CDC14B: variants seen among roughly 807,000 people sequenced by gnomAD.
CDC14B encodes the protein dual specificity protein phosphatase CDC14B.
Under a neutral mutation model 64.2 loss-of-function variants are expected in CDC14B, and 22 were observed. The ratio of observed to expected loss-of-function variants is 0.34; its 90% CI spans 0.24 to 0.49. The LOEUF (loss-of-function observed/expected upper bound fraction) is 0.49, where lower values mean the gene tolerates loss of function less well. Among genes scored for constraint, CDC14B ranks in the 20% least tolerant of loss-of-function variants. CDC14B has a pLI of 0.99. For missense variants in CDC14B, 498 were observed against 629.9 expected, an observed-to-expected ratio of 0.79 and a Z score of 2.24; for synonymous variants, 191 against 215.8, an observed-to-expected ratio of 0.89 and a Z score of 1.01.
chr9:96,615,197 T>G (rs6477572), intron 1 of CDC14B, among the ~76,000 whole-genome samples: 1 of 151,928 alleles, frequency 6.6e-6, no homozygotes. Context: ...ACTAGCAGTA[T>G]AGTTCAAGTA....
intron 9 of CDC14B, among the ~76,000 whole-genome samples, chr9:96,530,829 T>A (rs999885078): frequency 6.6e-6 from 1 of 152,156 alleles, no homozygotes; most frequent in Non-Finnish European, 1.5e-5. Flanking sequence ...TATGTTGAGG[T>A]AATCTCCTTC....
rs1262503712 is a variant in CDC14B, at chr9:96,501,397, G to A, written c.*2356C>T. The A allele has an allele frequency of 4.6e-5, 7 of 152,112 alleles. No homozygotes were observed. The East Asian group carries it at 1.3e-3, about 29-fold the overall frequency. 9.4% of individuals were successfully genotyped at this position (152,112 alleles called of 1,614,324 possible). ...TAGCAACAAGGTCTTCTATAACAAC[G>A]ACTCTAAGTCAGAATTCCAGAAGAT... On this transcript the variant is annotated 3_prime_UTR_variant, in exon 14 of 14. Transcript: ENST00000375241.
intron 1 of CDC14B, among the ~76,000 whole-genome samples, chr9:96,604,580 A>G (rs899184163): frequency 2.7e-5 from 4 of 149,998 alleles, no homozygotes; most frequent in African/African-American, 9.8e-5. Flanking sequence ...GGGTTTCTCC[A>G]TGTTGATCAG....
intron 4 of CDC14B, among the ~76,000 whole-genome samples, chr9:96,561,694 A>G (rs1266314284): frequency 2.6e-5 from 4 of 151,158 alleles, no homozygotes; most frequent in Non-Finnish European, 4.4e-5. Context: ...TCACCATGTT[A>G]ACCAGGATGG....
At chr9:96,587,042 G>T (rs1428955062) in intron 1 of CDC14B, among the ~76,000 whole-genome samples, 1 of 152,024 alleles carries the variant, frequency 6.6e-6, no homozygotes, top group Non-Finnish European at 1.5e-5. Flanking sequence ...GCGTGTTGGC[G>T]TGTGCCTGTA....
At chr9:96,549,622 A>G (rs1450926743) in intron 5 of CDC14B, among the ~76,000 whole-genome samples, 1 of 151,908 alleles carries the variant, frequency 6.6e-6, no homozygotes, top group African/African-American at 2.4e-5. Flanking sequence ...TCCAGATTGC[A>G]CCACTGCACT....
chr9:96,580,005 T>C (rs775169792), intron 1 of CDC14B, among the ~76,000 whole-genome samples: 7 of 152,076 alleles, frequency 4.6e-5, no homozygotes, highest in Non-Finnish European at 1.0e-4. Flanking sequence ...ACTATTTCTA[T>C]GAAAATCTTA....
chr9:96,583,577 A>G (rs1458706918), intron 1 of CDC14B, among the ~76,000 whole-genome samples: 1 of 150,982 alleles, frequency 6.6e-6, no homozygotes, highest in Non-Finnish European at 1.5e-5. Context: ...TTGCATTTTT[A>G]GTAGAAACCG....
downstream of CDC14B, among the ~76,000 whole-genome samples, chr9:96,495,723 A>G (rs1022962850): frequency 1.3e-5 from 2 of 152,190 alleles, no homozygotes; most frequent in South Asian, 2.1e-4. Context: ...TATGAGGGAC[A>G]TGCTTGGGGA....
intron 12 of CDC14B, among the ~76,000 whole-genome samples, chr9:96,511,171 G>C (rs1000418208): frequency 6.6e-6 from 1 of 152,130 alleles, no homozygotes; most frequent in African/African-American, 2.4e-5. Context: ...ATATACCAAA[G>C]ACAGGGCCTT....
intron 5 of CDC14B, among the ~76,000 whole-genome samples, chr9:96,550,372 A>G (rs1187739554): frequency 6.6e-6 from 1 of 152,186 alleles, no homozygotes; most frequent in African/African-American, 2.4e-5. Context: ...GCCCTGACAA[A>G]TTGTTATTTC....
chr9:96,494,431 C>A (rs961355374), intron 13 of CDC14B, among the ~76,000 whole-genome samples: 5 of 152,238 alleles, frequency 3.3e-5, no homozygotes, highest in Admixed American at 2.0e-4. Context: ...CTCAGGTATT[C>A]TCCATGTAAA....
intron 1 of CDC14B, chr9:96,566,952 C>T (rs1410542383): frequency 1.3e-6 from 2 of 1,486,418 alleles, no homozygotes; most frequent in South Asian, 1.3e-5. Flanking sequence ...CAGCGACACC[C>T]CTCGGCGGCC....
chr9:96,513,427 A>C (rs1386493908), intron 12 of CDC14B, among the ~76,000 whole-genome samples: 4 of 152,108 alleles, frequency 2.6e-5, no homozygotes, highest in Admixed American at 2.6e-4. Context: ...CTGCCTTCCA[A>C]CCCAGGCCAA....
At chr9:96,546,954 T>G (rs778368159) in intron 5 of CDC14B, among the ~76,000 whole-genome samples, 9 of 151,052 alleles carry the variant, frequency 6.0e-5, no homozygotes, top group Non-Finnish European at 1.2e-4. Context: ...CCCAGCTACT[T>G]GGGAGGCTGA....
intron 1 of CDC14B, among the ~76,000 whole-genome samples, chr9:96,602,045 C>A (rs1054605337): frequency 1.3e-5 from 2 of 151,956 alleles, no homozygotes; most frequent in African/African-American, 4.8e-5. Context: ...GACGACAGAG[C>A]GAGACTCAGT....
At chr9:96,496,393 TACCACC>T (rs60964390), downstream of CDC14B, 4 of 481,798 alleles carry the variant, frequency 8.3e-6, no homozygotes, top group African/African-American at 2.0e-5. Context: ...GCGCTGTACT[TACCACC>T]ACCACCACCA....
chr9:96,566,930 G>T (rs1207994467), intron 1 of CDC14B: 55 of 1,515,146 alleles, frequency 3.6e-5, no homozygotes, highest in Non-Finnish European at 4.8e-5. Flanking sequence ...GGGCCGCGCG[G>T]GGCAGCGGGC....
At chr9:96,528,053 C>T (rs1837854283) in intron 9 of CDC14B, among the ~76,000 whole-genome samples, 1 of 152,154 alleles carries the variant, frequency 6.6e-6, no homozygotes, top group African/African-American at 2.4e-5. Flanking sequence ...ACTGGCAAAC[C>T]TAAATTGGCC....
Sources: allele counts gnomAD v4.1 joint callset (sites outside exome capture counted in the v4.1 genomes callset), GRCh38; gene constraint gnomAD v4.1.1; transcripts MANE v1.5; gene names NCBI Gene and HGNC (gene_info 2026-07-23, HGNC 2026-07-21).